The following CFAP54 variants were observed in gnomAD, a reference collection of about 807,000 sequenced individuals.
CFAP54 encodes the protein cilia- and flagella-associated protein 54.
CFAP54 carries 290 observed loss-of-function variants against 370.4 expected under a neutral mutation model. The observed-to-expected ratio is 0.78, with a 90% CI of 0.71 to 0.86. The LOEUF is 0.86. Among genes scored for constraint, CFAP54 ranks in the 40% least tolerant of loss-of-function variants. CFAP54 has a pLI of 0.00. For synonymous variants in CFAP54, 1,206 were observed against 1,236.5 expected (o/e 0.98, Z 0.52); for missense variants, 3,399 against 3,528.7 (o/e 0.96, Z 0.93).
At chr12:96,668,379 T>G (rs1957104752) in intron 39 of CFAP54, among the ~76,000 whole-genome samples, 1 of 152,164 alleles carries the variant, frequency 6.6e-6, no homozygotes, top group Non-Finnish European at 1.5e-5. Context: ...GAAAAAGAAG[T>G]TTAGCAGACT....
intron 26 of CFAP54, among the ~76,000 whole-genome samples, chr12:96,609,996 G>C (rs1180336088): frequency 3.9e-5 from 6 of 152,176 alleles, no homozygotes; most frequent in Non-Finnish European, 8.8e-5. Flanking sequence ...GTTCTAATTA[G>C]AATTCTAATT....
At chr12:96,660,692 C>A (rs1956984376) in intron 38 of CFAP54, among the ~76,000 whole-genome samples, 1 of 152,214 alleles carries the variant, frequency 6.6e-6, no homozygotes, top group South Asian at 2.1e-4. Context: ...GCAGTGGACA[C>A]CAGCTAGGTG....
chr12:96,522,695 C>T (rs1955334168), intron 8 of CFAP54, among the ~76,000 whole-genome samples: 2 of 152,322 alleles, frequency 1.3e-5, no homozygotes, highest in South Asian at 4.1e-4. Context: ...CTACTGGAGT[C>T]ATATGTTATT....
chr12:96,664,689 GTATATATCTATATA>G lies in CFAP54; in HGVS notation c.5563+765_5563+778del, dbSNP rs1957040488. Among the ~76,000 whole-genome samples the G allele has an allele frequency of 1.6e-3, 41 of 26,278 alleles. 1 individual carries two copies. Among genetic ancestry groups the G allele is most frequent in the East Asian group, 0.011 (10 of 902 alleles). 17.2% of individuals were successfully genotyped at this position (26,278 alleles called of 152,430 possible). On this transcript the variant is annotated intron_variant, in intron 39 of 67. Coordinates refer to ENST00000524981, the MANE Select transcript of CFAP54 (RefSeq NM_001306084.2). ...AATAGAACAATTTATATTCCTTTGGGTATATATCTATATATATATATATATCTATATATATCTAT... is the reference window on the plus strand; with the variant it reads ...AATAGAACAATTTATATTCCTTTGGGTATATATATATCTATATATATCTAT...
chr12:96,494,794 T>G (rs1204054636), intron 1 of CFAP54, among the ~76,000 whole-genome samples: 1 of 152,000 alleles, frequency 6.6e-6, no homozygotes, highest in Non-Finnish European at 1.5e-5. Context: ...TGACGCAATC[T>G]CGGCTCTCTG....
At chr12:96,514,554 A>G (rs1955209841) in intron 5 of CFAP54, among the ~76,000 whole-genome samples, 1 of 152,244 alleles carries the variant, frequency 6.6e-6, no homozygotes, top group Admixed American at 6.5e-5. Context: ...TTGGTGTAAC[A>G]ACAACAAACA....
At position 96,685,199 on chromosome 12, in the gene CFAP54, G is replaced by T; in HGVS notation, c.5975G>T (p.Gly1992Val). 6.2e-7 allele frequency: 1 copy of T among 1,614,106 alleles called. No homozygotes were observed. The highest frequency in any genetic ancestry group is 8.5e-7 in the Non-Finnish European group (1 of 1,180,014). The part of the protein sequence containing the change: ...EEFLSRVGIW[G>V]CLQGAVISAK... The stretch of plus-strand genomic sequence containing the variant: ...TTTCTGTCAAGAGTTGGCATCTGGG[G>T]GTGTTTGCAAGGAGCAGTCATATCA... The change falls in exon 42 of 68, where the codon GGG (glycine) becomes GTG (valine). Residue 1992 changes from glycine (G) to valine (V), a missense_variant. By Grantham distance (109) the Gly-to-Val change is moderately radical. Coordinates refer to ENST00000524981, the MANE Select transcript of CFAP54 (RefSeq NM_001306084.2).
chr12:96,733,909 T>A (rs183684440), intron 50 of CFAP54, among the ~76,000 whole-genome samples: 8 of 152,324 alleles, frequency 5.3e-5, no homozygotes, highest in Admixed American at 1.3e-4. Context: ...ACTTTCTTTT[T>A]CCAGGGTTTT....
At chr12:96,600,661 G>A (rs1401005224) in intron 26 of CFAP54, among the ~76,000 whole-genome samples, 3 of 151,672 alleles carry the variant, frequency 2.0e-5, no homozygotes, top group African/African-American at 4.8e-5. Context: ...CTGTTATTTC[G>A]TTGAGCAGTG....
rs1457153648 is a variant in CFAP54 at position 96,675,257 on chromosome 12, C to A, written c.5564-4343C>A. The stretch of plus-strand genomic sequence containing the variant: ...AATTTACAAGAAAAAAACAAACAAC[C>A]CCATCAACAAGTTGGCAAAGGATAT... On this transcript the variant is annotated intron_variant, in intron 39 of 67. Transcript: ENST00000524981. Among the ~76,000 whole-genome samples the A allele has an allele frequency of 2.0e-5, 3 of 152,190 alleles. No homozygotes were observed. In the South Asian group the frequency reaches 6.2e-4, roughly 32 times the overall value.
At chr12:96,813,860 G>A (rs116053634) in intron 64 of CFAP54, among the ~76,000 whole-genome samples, 2,332 of 152,312 alleles carry the variant, frequency 0.015, 77 homozygotes, top group African/African-American at 0.054. Flanking sequence ...TGGAACAGGC[G>A]TTGACCTGGA....
At chr12:96,818,718 AG>A (rs1959001706) in intron 65 of CFAP54, among the ~76,000 whole-genome samples, 1 of 152,222 alleles carries the variant, frequency 6.6e-6, no homozygotes, top group African/African-American at 2.4e-5. Context: ...TTCTGCAGGC[AG>A]GGTGCCTCCA....
rs374427074 is a variant in CFAP54 at position 96,849,612 on chromosome 12, T to C, written c.9172-11207T>C. Among the ~76,000 whole-genome samples, 8 of 152,320 alleles carry C rather than the reference T, an allele frequency of 5.3e-5. No individual in the cohort carries two copies. The East Asian group carries it at 9.6e-4, about 18-fold the overall frequency. ...AGCACAAGTAATAAAATCTTTATTA[T>C]GATAGAATGTAGTAATCATGCAGAA... On this transcript the variant is annotated intron_variant, in intron 66 of 67. Coordinates refer to ENST00000524981, the MANE Select transcript of CFAP54 (RefSeq NM_001306084.2).
intron 36 of CFAP54, 83 bp from the exon 37 acceptor site, chr12:96,657,799 A>G: frequency 3.0e-6 from 3 of 996,578 alleles, no homozygotes; most frequent in Non-Finnish European, 4.5e-6. Flanking sequence ...TCCATGTTAC[A>G]TTTTTATTAC....
chr12:96,615,581 C>G (rs1240965072), intron 26 of CFAP54, among the ~76,000 whole-genome samples: 1 of 152,178 alleles, frequency 6.6e-6, no homozygotes, highest in African/African-American at 2.4e-5. Context: ...AGGCAACCTA[C>G]AGAATGGGAG....
chr12:96,575,514 A>G (rs780012292), intron 19 of CFAP54, among the ~76,000 whole-genome samples: 5 of 152,114 alleles, frequency 3.3e-5, no homozygotes, highest in Admixed American at 6.6e-5. Flanking sequence ...GAGTGCTTAA[A>G]ATGAAAGAAA....
intron 45 of CFAP54, among the ~76,000 whole-genome samples, chr12:96,696,230 A>G (rs1442356283): frequency 1.3e-5 from 2 of 152,166 alleles, no homozygotes; most frequent in Non-Finnish European, 2.9e-5. Context: ...AGAAGATAAC[A>G]TGAGTATACC....
At chr12:96,515,876 C>G (rs1245684598) in intron 5 of CFAP54, among the ~76,000 whole-genome samples, 1 of 151,392 alleles carries the variant, frequency 6.6e-6, no homozygotes, top group Non-Finnish European at 1.5e-5. Context: ...AATCTTCACA[C>G]CACCACTTTG....
chr12:96,698,951 C>T (rs1957463494), intron 45 of CFAP54, among the ~76,000 whole-genome samples: 1 of 152,094 alleles, frequency 6.6e-6, no homozygotes, highest in Non-Finnish European at 1.5e-5. Context: ...CCAAATATTC[C>T]CTGGAATCTT....
Sources: allele counts gnomAD v4.1 joint callset (sites outside exome capture counted in the v4.1 genomes callset), GRCh38; gene constraint gnomAD v4.1.1; transcripts MANE v1.5; gene names NCBI Gene and HGNC (gene_info 2026-07-23, HGNC 2026-07-21).